SHROOM3: variants seen among roughly 807,000 people sequenced by gnomAD.
SHROOM3 encodes protein Shroom3.
Under a neutral mutation model 138.6 loss-of-function variants are expected in SHROOM3, and 47 were observed. The observed-to-expected ratio is 0.34, with a 90% CI of 0.27 to 0.43. SHROOM3 has a LOEUF of 0.43. SHROOM3 is among the 20% of genes least tolerant of loss of function. The pLI is 1.00. For missense variants in SHROOM3, 2,491 were observed against 2,596.5 expected (o/e 0.96, Z 0.88); for synonymous variants, 1,062 against 1,063.3 (o/e 1.00, Z 0.02).
At chr4:76,531,986 C>T (rs1454292545) in intron 1 of SHROOM3, among the ~76,000 whole-genome samples, 2 of 151,038 alleles carry the variant, frequency 1.3e-5, no homozygotes, top group South Asian at 2.1e-4. Flanking sequence ...TATACATGTG[C>T]CATGTTGGTG....
chr4:76,521,596 C>T (rs1188642648), intron 1 of SHROOM3, among the ~76,000 whole-genome samples: 2 of 152,170 alleles, frequency 1.3e-5, no homozygotes, highest in East Asian at 3.9e-4. Context: ...TTCACATTTT[C>T]ACACAGAAAA....
At chr4:76,765,224 C>T (rs1311841763) in intron 9 of SHROOM3, among the ~76,000 whole-genome samples, 3 of 151,334 alleles carry the variant, frequency 2.0e-5, no homozygotes, top group African/African-American at 7.3e-5. Context: ...GTTTTAAAGA[C>T]TCTTGTAGAT....
chr4:76,745,114 CA>C (rs2110137526), intron 5 of SHROOM3, among the ~76,000 whole-genome samples: 2 of 152,236 alleles, frequency 1.3e-5, no homozygotes, highest in South Asian at 4.1e-4. Flanking sequence ...CATTGCAGAA[CA>C]AATAGATATT....
intron 1 of SHROOM3, among the ~76,000 whole-genome samples, chr4:76,546,471 G>A (rs9996716): frequency 0.23 from 35,441 of 152,052 alleles, 4,469 homozygotes; most frequent in East Asian, 0.46. Context: ...GAGTAATTTC[G>A]TAGAACCTGA....
At position 76,730,901 on chromosome 4, in the gene SHROOM3, A is replaced by G. The variant is rs368831231; in HGVS notation, c.553A>G (p.Ile185Val). The G allele has an allele frequency of 4.5e-5, 73 of 1,614,030 alleles. No individual in the cohort carries two copies. The highest frequency in any genetic ancestry group is 6.7e-5 in the Admixed American group (4 of 59,998). ...ASMMQISQGMIGPPWHQSYHS... is the reference protein window; with the variant it reads ...ASMMQISQGMVGPPWHQSYHS... ...CATGATGCAGATATCTCAGGGTATGATCGGCCCTCCTTGGCACCAAAGCTA... is the reference window on the plus strand; with the variant it reads ...CATGATGCAGATATCTCAGGGTATGGTCGGCCCTCCTTGGCACCAAAGCTA... The change falls in exon 4 of 11, where the codon ATC becomes GTC. Residue 185 changes from isoleucine to valine, a missense_variant. Transcript: ENST00000296043.
intron 2 of SHROOM3, among the ~76,000 whole-genome samples, chr4:76,617,816 T>C (rs1734914783): frequency 1.3e-5 from 2 of 152,248 alleles, no homozygotes; most frequent in African/African-American, 4.8e-5. Context: ...GATAGTCCTG[T>C]AAAATCTAAA....
intron 5 of SHROOM3, among the ~76,000 whole-genome samples, chr4:76,746,611 A>C (rs887834017): frequency 6.6e-6 from 1 of 152,006 alleles, no homozygotes; most frequent in Non-Finnish European, 1.5e-5. Flanking sequence ...ACATGACTGT[A>C]TTTTTCACAT....
At chr4:76,553,777 G>A (rs1227209052) in intron 1 of SHROOM3, among the ~76,000 whole-genome samples, 4 of 152,134 alleles carry the variant, frequency 2.6e-5, no homozygotes, top group South Asian at 2.1e-4. Flanking sequence ...GATTACAGGC[G>A]TGAGCCACTG....
intron 2 of SHROOM3, among the ~76,000 whole-genome samples, chr4:76,579,128 G>A: frequency 6.6e-6 from 1 of 152,136 alleles, no homozygotes; most frequent in East Asian, 1.9e-4. Context: ...TGCATGAGTC[G>A]AGGTTGTGCC....
intron 2 of SHROOM3, among the ~76,000 whole-genome samples, chr4:76,641,066 G>A (rs1735653209): frequency 6.6e-6 from 1 of 152,190 alleles, no homozygotes; most frequent in Non-Finnish European, 1.5e-5. Flanking sequence ...ACTGTGGGCT[G>A]AAATATACTG....
In SHROOM3 at chr4:76,738,752, T is replaced by G. The variant is rs752918223; in HGVS notation, c.588-9T>G. 3 of 1,614,192 alleles carry G rather than the reference T, an allele frequency of 1.9e-6. No homozygotes were observed. The highest frequency in any genetic ancestry group is 2.2e-5 in the South Asian group (2 of 91,030). ...CTCAGTGGTACTGACTGCTTTGTCT[T>G]TCTTCCAGCTCCTCTACTAGTGACC... On this transcript the variant is annotated splice_polypyrimidine_tract_variant and intron_variant, in intron 4 of 10. Transcript: ENST00000296043.
chr4:76,497,222 A>G (rs1731987168), intron 1 of SHROOM3, among the ~76,000 whole-genome samples: 1 of 152,142 alleles, frequency 6.6e-6, no homozygotes, highest in African/African-American at 2.4e-5. Flanking sequence ...CACCTTAACA[A>G]CTCTTAATCC....
intron 2 of SHROOM3, among the ~76,000 whole-genome samples, chr4:76,702,469 T>A (rs1719929411): frequency 6.6e-6 from 1 of 152,218 alleles, no homozygotes; most frequent in Non-Finnish European, 1.5e-5. Flanking sequence ...CATTCAAGCC[T>A]CACATCTACC....
chr4:76,553,799 C>T (rs111917185), intron 1 of SHROOM3, among the ~76,000 whole-genome samples: 2,305 of 152,122 alleles, frequency 0.015, 47 homozygotes, highest in African/African-American at 0.05. Context: ...GCCCAGCCAG[C>T]GTATTTATTT....
chr4:76,441,532 C>A (rs1313769373), intron 1 of SHROOM3, among the ~76,000 whole-genome samples: 1 of 152,170 alleles, frequency 6.6e-6, no homozygotes, highest in African/African-American at 2.4e-5. Context: ...AATAGCCAAT[C>A]CTTTCTGACT....
At chr4:76,703,912 A>G (rs954224386) in intron 2 of SHROOM3, among the ~76,000 whole-genome samples, 1 of 152,210 alleles carries the variant, frequency 6.6e-6, no homozygotes, top group African/African-American at 2.4e-5. Context: ...TAAGGCAACA[A>G]AATTGCACTG....
In SHROOM3 at chr4:76,633,937, T is replaced by C. The variant is rs149538381; in HGVS notation, c.324-76219T>C. 1.3e-3 allele frequency among the ~76,000 whole-genome samples: 197 copies of C among 152,270 alleles called. 3 individuals carry two copies. The highest frequency in any genetic ancestry group is 4.5e-3 in the African/African-American group (189 of 41,550). On this transcript the variant is annotated intron_variant, in intron 2 of 10. Transcript: ENST00000296043. Reference sequence around the variant, plus strand: ...ACATTTTATCAAATCAGTATTGGTATAGAATGACATAGATGTTATAATGCA... The same window carrying C: ...ACATTTTATCAAATCAGTATTGGTACAGAATGACATAGATGTTATAATGCA...
chr4:76,710,926 CCT>C (rs1720211610), intron 3 of SHROOM3, among the ~76,000 whole-genome samples: 1 of 152,132 alleles, frequency 6.6e-6, no homozygotes, highest in Non-Finnish European at 1.5e-5. Context: ...TCAAATTCAG[CCT>C]CTACACCAAT....
intron 1 of SHROOM3, among the ~76,000 whole-genome samples, chr4:76,544,738 G>GT (rs1733176074): frequency 6.6e-6 from 1 of 152,156 alleles, no homozygotes; most frequent in Non-Finnish European, 1.5e-5. Context: ...AGATATTCTA[G>GT]TTAACTATGC....
Sources: allele counts gnomAD v4.1 joint callset (sites outside exome capture counted in the v4.1 genomes callset), GRCh38; gene constraint gnomAD v4.1.1; transcripts MANE v1.5; gene names NCBI Gene and HGNC (gene_info 2026-07-23, HGNC 2026-07-21).